NEDD4L: variants seen among roughly 807,000 people sequenced by gnomAD.
The protein encoded by NEDD4L is NEDD4 like E3 ubiquitin protein ligase.
In NEDD4L, 54 loss-of-function variants were observed where a neutral mutation model predicts 148.9. The observed-to-expected ratio is 0.36, with a 90% CI of 0.29 to 0.45. The LOEUF is 0.45. Among genes scored for constraint, NEDD4L ranks in the 20% least tolerant of loss-of-function variants. NEDD4L has a pLI of 1.00. For synonymous variants in NEDD4L, 433 were observed against 440.7 expected, an observed-to-expected ratio of 0.98 and a Z score of 0.22; for missense variants, 856 against 1,233.8, an observed-to-expected ratio of 0.69 and a Z score of 4.59.
intron 1 of NEDD4L, among the ~76,000 whole-genome samples, chr18:58,108,227 G>C (rs1277201149): frequency 6.6e-6 from 1 of 152,114 alleles, no homozygotes; most frequent in Non-Finnish European, 1.5e-5. Flanking sequence ...AAGCTTTGGG[G>C]TGCCTCATGT....
At chr18:58,292,240 A>G (rs1049057174) in intron 5 of NEDD4L, among the ~76,000 whole-genome samples, 1 of 152,046 alleles carries the variant, frequency 6.6e-6, no homozygotes, top group Non-Finnish European at 1.5e-5. Flanking sequence ...GGAGGCACTG[A>G]CCCTGAGTGG....
At chr18:58,080,696 G>A (rs998714862) in intron 1 of NEDD4L, among the ~76,000 whole-genome samples, 1 of 152,214 alleles carries the variant, frequency 6.6e-6, no homozygotes, top group Non-Finnish European at 1.5e-5. Flanking sequence ...AGGAGCGAGA[G>A]GGTGGTGTGT....
intron 2 of NEDD4L, among the ~76,000 whole-genome samples, chr18:58,189,204 G>C (rs1314860358): frequency 1.3e-5 from 2 of 152,100 alleles, no homozygotes. Context: ...CTCTCTGTCT[G>C]CTAAGCCTGC....
chr18:58,339,858 A>G (rs1436179163), intron 13 of NEDD4L, among the ~76,000 whole-genome samples: 2 of 152,204 alleles, frequency 1.3e-5, no homozygotes, highest in African/African-American at 4.8e-5. Flanking sequence ...CATTGCTGGT[A>G]GTGCAGGGAA....
chr18:58,369,600 G>A (rs115057438), intron 22 of NEDD4L, among the ~76,000 whole-genome samples: 100 of 152,310 alleles, frequency 6.6e-4, no homozygotes, highest in African/African-American at 2.1e-3. Flanking sequence ...ACGCTGAGCC[G>A]GGGAGAATTG....
rs561313582 is a variant in NEDD4L at position 58,278,048 on chromosome 18, G to A, written c.297+25994G>A. Among the ~76,000 whole-genome samples, 11 of 151,748 alleles carry A rather than the reference G, an allele frequency of 7.2e-5. No homozygotes were observed. The East Asian group carries it at 1.2e-3, about 16-fold the overall frequency. ...AAATATTTTCTCCTGGCTTGTTTTC[G>A]CCTTCCGTGTCATTGTTTGAGAAAT... On this transcript the variant is annotated intron_variant, in intron 5 of 30. Transcript: ENST00000400345.
At chr18:58,294,346 G>A (rs76911513) in intron 5 of NEDD4L, among the ~76,000 whole-genome samples, 5,783 of 152,216 alleles carry the variant, frequency 0.038, 174 homozygotes, top group Non-Finnish European at 0.061. Context: ...TGTTTTTAGA[G>A]TAAGTTGTAG....
chr18:58,267,990 G>A (rs551978076), intron 5 of NEDD4L, among the ~76,000 whole-genome samples: 1 of 152,090 alleles, frequency 6.6e-6, no homozygotes, highest in South Asian at 2.1e-4. Context: ...CTACTGTGGG[G>A]GCCAAGGGAA....
At chr18:58,365,810 A>T (rs536194622) in intron 20 of NEDD4L, among the ~76,000 whole-genome samples, 189 bp from the exon 21 acceptor site, 1 of 152,290 alleles carries the variant, frequency 6.6e-6, no homozygotes, top group South Asian at 2.1e-4. Flanking sequence ...CGTGTGTCCC[A>T]TCGTGACACA....
At chr18:58,304,346 C>T (rs867297762) in intron 5 of NEDD4L, among the ~76,000 whole-genome samples, 2 of 64,324 alleles carry the variant, frequency 3.1e-5, no homozygotes, top group African/African-American at 1.1e-4. Context: ...CCTGTCTCTA[C>T]AAAAAAAAAA....
chr18:58,124,740 A>T (rs1241920678), intron 1 of NEDD4L, among the ~76,000 whole-genome samples: 1 of 152,236 alleles, frequency 6.6e-6, no homozygotes, highest in Non-Finnish European at 1.5e-5. Flanking sequence ...TCAGTAAAAA[A>T]ACAAGTTTAT....
At chr18:58,098,471 A>T (rs772831019) in intron 1 of NEDD4L, among the ~76,000 whole-genome samples, 2 of 151,890 alleles carry the variant, frequency 1.3e-5, no homozygotes, top group Non-Finnish European at 2.9e-5. Flanking sequence ...CGTTGTCCTG[A>T]GTGGTTAGAG....
intron 24 of NEDD4L, among the ~76,000 whole-genome samples, chr18:58,378,609 GA>G (rs2047895757): frequency 6.6e-6 from 1 of 152,216 alleles, no homozygotes; most frequent in Admixed American, 6.5e-5. Flanking sequence ...CGCTGCTGGA[GA>G]GGCTGGGGAG....
intron 1 of NEDD4L, among the ~76,000 whole-genome samples, chr18:58,139,324 C>T (rs11872836): frequency 0.4 from 58,340 of 146,250 alleles, 12,089 homozygotes; most frequent in East Asian, 0.52. Flanking sequence ...AGGAGACCCT[C>T]AGATACATTT....
At chr18:58,200,547 A>G (rs367975805) in intron 2 of NEDD4L, among the ~76,000 whole-genome samples, 15 of 152,354 alleles carry the variant, frequency 9.8e-5, no homozygotes, top group African/African-American at 3.4e-4. Flanking sequence ...CATGAAATAC[A>G]CTATTTTCGT....
chr18:58,154,760 C>T (rs2035254746), intron 1 of NEDD4L, among the ~76,000 whole-genome samples: 1 of 152,194 alleles, frequency 6.6e-6, no homozygotes. Flanking sequence ...TGCACTCCAG[C>T]CTGAGTGACA....
At chr18:58,276,443 G>A (rs975889643) in intron 5 of NEDD4L, among the ~76,000 whole-genome samples, 10 of 151,806 alleles carry the variant, frequency 6.6e-5, no homozygotes, top group East Asian at 1.9e-4. Context: ...TCCTGACCTC[G>A]GGTAATCTGC....
chr18:58,229,446 G>A (rs1476425275), intron 2 of NEDD4L, among the ~76,000 whole-genome samples: 1 of 152,124 alleles, frequency 6.6e-6, no homozygotes, highest in Non-Finnish European at 1.5e-5. Context: ...CACACATTTT[G>A]TCCCCTAATA....
In NEDD4L at chr18:58,351,038, T is replaced by G; in HGVS notation, c.1701T>G (p.Ile567Met). The G allele has an allele frequency of 6.3e-7, 1 of 1,591,888 alleles. No homozygotes were observed. Among genetic ancestry groups the G allele is most frequent in the Non-Finnish European group, 8.6e-7 (1 of 1,168,230 alleles). The change falls in exon 18 of 31, where the codon ATT becomes ATG. Residue 567 changes from isoleucine to methionine, a missense_variant. By Grantham distance (10) the Ile-to-Met change is conservative. This residue lies in a region of NEDD4L where 286 missense variants were observed against 531.8 expected (regional missense o/e 0.54). Coordinates refer to ENST00000400345, the MANE Select transcript of NEDD4L (RefSeq NM_001144967.3). ...RIHLDGRTFY[I>M]DHNSKITQWE... ...ACTTGGATGGCCGAACGTTTTATAT[T>G]GATCATAGTAAGTAGGCGCTGTTAT...
Sources: gnomAD v4.1 joint callset for allele counts (sites outside exome capture counted in the v4.1 genomes callset) on GRCh38, gnomAD v4.1.1 for gene constraint, gnomAD v4.1.1 regional missense constraint, MANE v1.5 for transcripts, NCBI Gene and HGNC (gene_info 2026-07-23, HGNC 2026-07-21) for gene names.